TMEM106C: variants seen among roughly 807,000 people sequenced by gnomAD.
TMEM106C encodes endoplasmic reticulum membrane protein overexpressed in cancer.
Under a neutral mutation model 30.8 loss-of-function variants are expected in TMEM106C, and 27 were observed. The ratio of observed to expected loss-of-function variants is 0.88; its 90% confidence interval spans 0.65 to 1.21. The LOEUF (loss-of-function observed/expected upper bound fraction) is 1.21, where lower values mean the gene tolerates loss of function less well. TMEM106C is among the 50% of genes most tolerant of loss of function. TMEM106C has a pLI of 0.00. For synonymous variants in TMEM106C, 123 were observed against 118.8 expected (o/e 1.04, Z -0.23); for missense variants, 288 against 307.8 (o/e 0.94, Z 0.48).
Position 47,968,114 on chromosome 12 carries a change from T to C in TMEM106C, c.657-19T>C, listed in dbSNP as rs762585652. ...ATCCCCCAAACATAATTAATTCTTC[T>C]TGGTTTTCTTTTCCCTAGAACTTCA... On this transcript the variant is annotated intron_variant, in intron 7 of 7. Coordinates refer to ENST00000429772, the MANE Select transcript of TMEM106C (RefSeq NM_001143842.2). 5 of 1,597,808 alleles carry C rather than the reference T, an allele frequency of 3.1e-6. No individual in the cohort carries two copies. In the South Asian group the frequency reaches 5.5e-5, roughly 18 times the overall value.
chr12:47,967,066 G>A (rs1938251820), intron 6 of TMEM106C, 142 bp from the exon 7 acceptor site: 4 of 823,712 alleles, frequency 4.9e-6, no homozygotes, highest in African/African-American at 3.4e-5. Context: ...CAGTGGCAGG[G>A]ACTGAGAGCT....
chr12:47,966,807 G>T, intron 6 of TMEM106C, 75 bp downstream of exon 6: 3 of 1,512,528 alleles, frequency 2.0e-6, no homozygotes, highest in Non-Finnish European at 2.8e-6. Context: ...ATTGATTGGG[G>T]CCTGGTCCTG....
At chr12:47,966,485 C>A in intron 5 of TMEM106C, 198 bp from the exon 6 acceptor site, 1 of 696,062 alleles carries the variant, frequency 1.4e-6, no homozygotes, top group Non-Finnish European at 2.4e-6. Context: ...AGTGTTACAG[C>A]CTGAGGTCCA....
chr12:47,967,912 C>G (rs1323877982), intron 7 of TMEM106C, among the ~76,000 whole-genome samples: 1 of 152,124 alleles, frequency 6.6e-6, no homozygotes, highest in Non-Finnish European at 1.5e-5. Context: ...GGGGTAAAAT[C>G]ATTCTCGATT....
intron 1 of TMEM106C, chr12:47,963,997 C>T (rs552191924): frequency 7.2e-5 from 40 of 552,434 alleles, no homozygotes; most frequent in African/African-American, 7.2e-4. Flanking sequence ...CCCGTTCCCC[C>T]TCCCCACCCC....
At chr12:47,964,508 G>A in intron 2 of TMEM106C, 85 bp downstream of exon 2, 1 of 1,301,630 alleles carries the variant, frequency 7.7e-7, no homozygotes. Flanking sequence ...TTTCTTCTAG[G>A]CAGTAATACC....
chr12:47,965,346 G>T lies in TMEM106C; in HGVS notation c.251+1G>T, dbSNP rs201441199. The T allele has an allele frequency of 2.5e-6, 4 of 1,613,586 alleles. No homozygotes were observed. The highest frequency in any genetic ancestry group is 1.3e-5 in the African/African-American group (1 of 74,914). ...ATCAGAGATTGCGCCCTCAGCGAAC[G>T]TGAGTTACCTGCTTCTCACCTGTTA... On this transcript the variant is annotated splice_donor_variant, in intron 3 of 7. Coordinates refer to ENST00000429772, the MANE Select transcript of TMEM106C (RefSeq NM_001143842.2). LOFTEE classifies it high-confidence loss of function.
chr12:47,968,286 C>A lies in TMEM106C; in HGVS notation c.*57C>A. ...GTAGAAGAGAGCACAGCATATGTTC[C>A]CAAGGCCTGAGTTCTGGACCTACCC... On this transcript the variant is annotated 3_prime_UTR_variant, in exon 8 of 8. Transcript: ENST00000429772. 7.1e-7 allele frequency: 1 copy of A among 1,400,266 alleles called. No homozygotes were observed. Among genetic ancestry groups the A allele is most frequent in the Non-Finnish European group, 1.0e-6 (1 of 990,514 alleles). The allele number at this position is 1,400,266 out of a possible 1,614,324, so 86.7% of individuals were successfully genotyped here.
chr12:47,965,395 CTT>C, intron 3 of TMEM106C, 50 bp downstream of exon 3: 1 of 1,493,084 alleles, frequency 6.7e-7, no homozygotes, highest in Admixed American at 1.7e-5. Context: ...TCCCTAATCT[CTT>C]TCTGTATGTA....
At chr12:47,964,027 G>T in intron 1 of TMEM106C, 182 bp from the exon 2 acceptor site, 1 of 588,888 alleles carries the variant, frequency 1.7e-6, no homozygotes, top group Middle Eastern at 4.6e-4. Context: ...TGTGTGGCGG[G>T]TAAGAGGAGA....
chr12:47,967,282 C>T (rs756480133), intron 7 of TMEM106C, 21 bp downstream of exon 7: 4 of 1,614,038 alleles, frequency 2.5e-6, no homozygotes, highest in Non-Finnish European at 3.4e-6. Flanking sequence ...CTTCCCTATC[C>T]CGATGGCCTG....
chr12:47,968,192 A>G lies in TMEM106C; in HGVS notation c.716A>G (p.His239Arg). 6.2e-7 allele frequency: 1 copy of G among 1,614,078 alleles called. No individual in the cohort carries two copies. The highest frequency in any genetic ancestry group is 8.5e-7 in the Non-Finnish European group (1 of 1,179,948). The part of the protein sequence containing the change: ...LMTQSSLETH[H>R]YVDCGGNSTA... ...ACCCAGAGCTCCTTGGAGACACATC[A>G]CTATGTGGATTGTGGAGGAAATTCC... The change falls in exon 8 of 8, where the codon CAC (histidine) becomes CGC (arginine). Residue 239 changes from histidine to arginine, a missense_variant. By Grantham distance (29) the His-to-Arg change is conservative. Coordinates refer to ENST00000429772, the MANE Select transcript of TMEM106C (RefSeq NM_001143842.2).
At chr12:47,967,169 A>G (rs1382152532) in intron 6 of TMEM106C, 39 bp from the exon 7 acceptor site, 2 of 1,611,550 alleles carry the variant, frequency 1.2e-6, no homozygotes, top group Non-Finnish European at 8.5e-7. Context: ...GGCTTTAAAA[A>G]AAAAAAAACT....
chr12:47,966,314 C>T, intron 5 of TMEM106C, 85 bp downstream of exon 5: 1 of 1,482,614 alleles, frequency 6.7e-7, no homozygotes, highest in Non-Finnish European at 9.2e-7. Flanking sequence ...TGTCACTTTC[C>T]TTTTTGTCTC....
chr12:47,967,118 C>A, intron 6 of TMEM106C, 90 bp from the exon 7 acceptor site: 1 of 1,343,192 alleles, frequency 7.4e-7, no homozygotes, highest in Non-Finnish European at 1.1e-6. Flanking sequence ...GGGAGGGGGG[C>A]ACCCCAAACA....
chr12:47,966,486 C>G lies in TMEM106C; in HGVS notation c.553-197C>G. 4 of 697,778 alleles carry G rather than the reference C, an allele frequency of 5.7e-6. No homozygotes were observed. The South Asian group carries it at 7.9e-5, about 14-fold the overall frequency. 43.2% of individuals were successfully genotyped at this position (697,778 alleles called of 1,614,324 possible). A position where few individuals can be genotyped will look rare whatever the true frequency, so the allele number is the denominator to read the frequency against. The stretch of plus-strand genomic sequence containing the variant: ...AAATAAGAAGCAGCAGTGTTACAGC[C>G]TGAGGTCCATTGGCCTCTCAAAAGG... On this transcript the variant is annotated intron_variant, in intron 5 of 7. Transcript: ENST00000429772.
intron 2 of TMEM106C, 88 bp from the exon 3 acceptor site, chr12:47,965,194 A>T (rs1018552726): frequency 6.7e-5 from 70 of 1,044,394 alleles, no homozygotes; most frequent in Non-Finnish European, 7.0e-5. Flanking sequence ...TTCCAGAAGA[A>T]TATTTGTTGT....
At chr12:47,964,460 A>G (rs1472808834) in intron 2 of TMEM106C, 37 bp downstream of exon 2, 1 of 1,603,206 alleles carries the variant, frequency 6.2e-7, no homozygotes, top group Non-Finnish European at 8.5e-7. Flanking sequence ...TGAGAATCCC[A>G]AGGTACCCTC....
At position 47,967,225 on chromosome 12, in the gene TMEM106C, C is replaced by G; in HGVS notation, c.620C>G (p.Pro207Arg). ...FSYVYFFCTV[P>R]EILVHNIVIF... ...TTTGGTAGCTTCTTCTGCACGGTAC[C>G]TGAGATCCTGGTGCACAACATAGTG... Residue 207 changes from proline (P) to arginine (R), a missense_variant, in exon 7 of 8, where the codon CCT (proline) becomes CGT (arginine). Coordinates refer to ENST00000429772, the MANE Select transcript of TMEM106C (RefSeq NM_001143842.2). The G allele has an allele frequency of 3.1e-6, 5 of 1,614,146 alleles. No individual in the cohort carries two copies. The highest frequency in any genetic ancestry group is 4.2e-6 in the Non-Finnish European group (5 of 1,180,024).
Sources: gnomAD v4.1 joint callset for allele counts (sites outside exome capture counted in the v4.1 genomes callset) on GRCh38, gnomAD v4.1.1 for gene constraint, MANE v1.5 for transcripts, NCBI Gene and HGNC (gene_info 2026-07-23, HGNC 2026-07-21) for gene names.